BICD1: variants seen among roughly 807,000 people sequenced by gnomAD.
The protein encoded by BICD1 is protein bicaudal D homolog 1.
BICD1 carries 35 observed loss-of-function variants against 92.5 expected under a neutral mutation model. The ratio of observed to expected loss-of-function variants is 0.38; its 90% confidence interval spans 0.29 to 0.50. BICD1 has a LOEUF of 0.50. Among genes scored for constraint, BICD1 ranks in the 20% least tolerant of loss-of-function variants. The probability of loss-of-function intolerance (pLI) is 0.93; values close to 1 mark genes in which losing one functional copy is unlikely to be tolerated. For missense variants in BICD1, 950 were observed against 1,189.8 expected, an observed-to-expected ratio of 0.80 and a Z score of 2.97; for synonymous variants, 429 against 465.1, an observed-to-expected ratio of 0.92 and a Z score of 1.00.
Position 32,351,723 on chromosome 12 carries a change from TA to T in BICD1, c.2764+12748del, listed in dbSNP as rs1262908671. On this transcript the variant is annotated intron_variant, in intron 8 of 9. Transcript: ENST00000652176. The stretch of plus-strand genomic sequence containing the variant: ...TTCAAGACCAGCCTGGTCAATATGG[TA>T]AAACCCCATCTCTACTAAAAATACA... Among the ~76,000 whole-genome samples the T allele has an allele frequency of 3.3e-5, 5 of 150,212 alleles. No homozygotes were observed. The East Asian group carries it at 9.9e-4, about 30-fold the overall frequency.
At chr12:32,294,463 G>A (rs1947807877) in intron 3 of BICD1, among the ~76,000 whole-genome samples, 1 of 151,682 alleles carries the variant, frequency 6.6e-6, no homozygotes, top group Non-Finnish European at 1.5e-5. Context: ...CTCATTAAAA[G>A]CCTGAGTCTT....
In BICD1 at chr12:32,381,479, T is replaced by G. The variant is rs1328683799; in HGVS notation, c.*3852T>G. On this transcript the variant is annotated 3_prime_UTR_variant, in exon 10 of 10. Coordinates refer to ENST00000652176, the MANE Select transcript of BICD1 (RefSeq NM_001714.4). ...TTCTGTTTGAAACAAGCATGAAACATTGGTCCAATAACCTAAGAATGTGGA... is the reference window on the plus strand; with the variant it reads ...TTCTGTTTGAAACAAGCATGAAACAGTGGTCCAATAACCTAAGAATGTGGA... 1 of 152,156 alleles carries G rather than the reference T, an allele frequency of 6.6e-6. No individual in the cohort carries two copies. The allele number at this position is 152,156 out of a possible 1,614,324, so 9.4% of individuals were successfully genotyped here.
chr12:32,133,784 C>CTTT (rs34183365), intron 1 of BICD1, among the ~76,000 whole-genome samples: 4 of 140,096 alleles, frequency 2.9e-5, no homozygotes, highest in Non-Finnish European at 3.1e-5. Flanking sequence ...GATGCCAGTT[C>CTTT]TTTTTTTTTT....
At chr12:32,170,237 T>G (rs1943897196) in intron 1 of BICD1, among the ~76,000 whole-genome samples, 2 of 152,226 alleles carry the variant, frequency 1.3e-5, no homozygotes, top group Admixed American at 1.3e-4. Flanking sequence ...TGGTATTGAC[T>G]TTTTGGATTG....
At chr12:32,256,396 A>G (rs902846886) in intron 2 of BICD1, among the ~76,000 whole-genome samples, 4 of 152,152 alleles carry the variant, frequency 2.6e-5, no homozygotes, top group African/African-American at 9.7e-5. Context: ...ATCCTCTGAT[A>G]TACATATGAT....
At chr12:32,168,169 C>T (rs1203868993) in intron 1 of BICD1, among the ~76,000 whole-genome samples, 2 of 152,124 alleles carry the variant, frequency 1.3e-5, no homozygotes, top group African/African-American at 2.4e-5. Flanking sequence ...AAGGAAAACA[C>T]AACTTTGATA....
intron 1 of BICD1, among the ~76,000 whole-genome samples, chr12:32,168,506 G>A (rs1240750555): frequency 2.0e-5 from 3 of 152,174 alleles, no homozygotes; most frequent in African/African-American, 7.2e-5. Flanking sequence ...TTGAGATTGA[G>A]GTGAGAACAG....
intron 1 of BICD1, among the ~76,000 whole-genome samples, chr12:32,123,360 G>A (rs1004658276): frequency 1.3e-5 from 2 of 152,186 alleles, no homozygotes; most frequent in African/African-American, 4.8e-5. Context: ...AGAGCTTTGA[G>A]CAGAAAAGTC....
intron 2 of BICD1, among the ~76,000 whole-genome samples, chr12:32,218,241 G>A (rs182413860): frequency 1.3e-5 from 2 of 152,272 alleles, no homozygotes; most frequent in Admixed American, 1.3e-4. Context: ...AATTAAGCAT[G>A]AAGTTACAAG....
chr12:32,267,554 A>C (rs1278921672), intron 2 of BICD1, among the ~76,000 whole-genome samples: 1 of 152,182 alleles, frequency 6.6e-6, no homozygotes, highest in African/African-American at 2.4e-5. Flanking sequence ...CTTTATTGTA[A>C]ATGATGTTTG....
intron 2 of BICD1, among the ~76,000 whole-genome samples, chr12:32,226,504 C>A (rs1430578515): frequency 1.3e-5 from 2 of 152,170 alleles, no homozygotes; most frequent in Non-Finnish European, 2.9e-5. Flanking sequence ...AAATAACCAT[C>A]TCCTCACTTC....
intron 2 of BICD1, among the ~76,000 whole-genome samples, chr12:32,274,726 C>T (rs1181235432): frequency 2.6e-5 from 4 of 152,196 alleles, no homozygotes; most frequent in East Asian, 1.9e-4. Flanking sequence ...CAACAAATCA[C>T]GTTAATAAGG....
At chr12:32,297,567 A>G (rs1290974193) in intron 3 of BICD1, among the ~76,000 whole-genome samples, 1 of 152,216 alleles carries the variant, frequency 6.6e-6, no homozygotes, top group Non-Finnish European at 1.5e-5. Flanking sequence ...GATGACAATG[A>G]GTAGCATTCG....
At chr12:32,339,219 TG>T (rs1378622652) in intron 8 of BICD1, 3 of 1,239,744 alleles carry the variant, frequency 2.4e-6, no homozygotes, top group Non-Finnish European at 3.0e-6. Context: ...TTGGAAGGAA[TG>T]GGATAGGTAA....
chr12:32,128,184 G>GT (rs1251625308), intron 1 of BICD1, among the ~76,000 whole-genome samples: 2 of 152,220 alleles, frequency 1.3e-5, no homozygotes, highest in African/African-American at 4.8e-5. Context: ...GATCACAGGC[G>GT]TGAGCCACCG....
chr12:32,272,041 T>G (rs1468895399), intron 2 of BICD1, among the ~76,000 whole-genome samples: 1 of 152,192 alleles, frequency 6.6e-6, no homozygotes, highest in Non-Finnish European at 1.5e-5. Context: ...ACAAGTTACT[T>G]TTTATTTAAC....
chr12:32,201,970 T>C (rs1053672792), intron 1 of BICD1, among the ~76,000 whole-genome samples: 10 of 152,214 alleles, frequency 6.6e-5, no homozygotes, highest in African/African-American at 1.4e-4. Flanking sequence ...CTGTATTTGG[T>C]TGGTGGCTTT....
intron 2 of BICD1, among the ~76,000 whole-genome samples, chr12:32,234,145 T>C (rs7977350): frequency 0.12 from 18,092 of 152,186 alleles, 1,711 homozygotes; most frequent in African/African-American, 0.26. Flanking sequence ...AACTTTCAAT[T>C]TGAATTAAGT....
rs114178586 is a variant in BICD1, at chr12:32,313,496, C to G, written c.1005+7374C>G. On this transcript the variant is annotated intron_variant, in intron 4 of 9. Coordinates refer to ENST00000652176, the MANE Select transcript of BICD1 (RefSeq NM_001714.4). The surrounding 1 kb of genome is among the most constrained non-coding windows in gnomAD (Gnocchi z 4.2). The stretch of plus-strand genomic sequence containing the variant: ...GTCAAAAATCTAGTAAGTGGAGTTG[C>G]TACACAGAGACAGTCGAACAAGTGA... Among the ~76,000 whole-genome samples, 1 of 152,150 alleles carries G rather than the reference C, an allele frequency of 6.6e-6. No homozygotes were observed. Among genetic ancestry groups the G allele is most frequent in the African/African-American group, 2.4e-5 (1 of 41,508 alleles).
Sources: gnomAD v4.1 joint callset for allele counts (sites outside exome capture counted in the v4.1 genomes callset) on GRCh38, gnomAD v4.1.1 for gene constraint, Gnocchi (gnomAD v3.1) non-coding constraint, MANE v1.5 for transcripts, NCBI Gene and HGNC (gene_info 2026-07-23, HGNC 2026-07-21) for gene names.